Variants in CSNK1D observed in about 807,000 individuals in gnomAD.
CSNK1D encodes the protein casein kinase I isoform delta.
CSNK1D carries 16 observed loss-of-function variants against 46.6 expected under a neutral mutation model. The observed-to-expected ratio is 0.34, with a 90% CI of 0.23 to 0.52. The LOEUF is 0.52. Among genes scored for constraint, CSNK1D ranks in the 20% least tolerant of loss-of-function variants. The probability of loss-of-function intolerance (pLI) is 0.95; values close to 1 mark genes in which losing one functional copy is unlikely to be tolerated. For missense variants in CSNK1D, 398 were observed against 578.4 expected, an observed-to-expected ratio of 0.69 and a Z score of 3.20; for synonymous variants, 276 against 228.2, an observed-to-expected ratio of 1.21 and a Z score of -1.89.
chr17:82,249,332 T>G lies in CSNK1D; in HGVS notation c.1057+99A>C, dbSNP rs541342587. The G allele has an allele frequency of 3.2e-6, 4 of 1,269,596 alleles. No individual in the cohort carries two copies. The East Asian group carries it at 1.0e-4, about 32-fold the overall frequency. The allele number at this position is 1,269,596 out of a possible 1,614,324, so 78.6% of individuals were successfully genotyped here. A position where few individuals can be genotyped will look rare whatever the true frequency, so the allele number is the denominator to read the frequency against. On this transcript the variant is annotated intron_variant, in intron 7 of 8. Transcript: ENST00000314028. The surrounding 1 kb of genome is among the most constrained non-coding windows in gnomAD (Gnocchi z 6.7). ...GCGAGCATCGCCTGACACAGGGCAC[T>G]TAGTGTCCACCACCAAGTACCCTGT...
At chr17:82,267,488 G>A (rs1005074945) in intron 1 of CSNK1D, among the ~76,000 whole-genome samples, 2 of 152,094 alleles carry the variant, frequency 1.3e-5, no homozygotes, top group Admixed American at 1.3e-4. Flanking sequence ...CCACTGCTGC[G>A]TTCCACAGGA....
rs1327374701 is a variant in CSNK1D, at chr17:82,272,892, C to G, written c.76+414G>C. On this transcript the variant is annotated intron_variant, in intron 1 of 8. Coordinates refer to ENST00000314028, the MANE Select transcript of CSNK1D (RefSeq NM_001893.6). The stretch of plus-strand genomic sequence containing the variant: ...GCCCCAGCCCTACCCCCTCCCCTCC[C>G]ACGGCCCGCTGCCCCCACCCCCGCC... 3.4e-5 allele frequency among the ~76,000 whole-genome samples: 5 copies of G among 146,686 alleles called. No homozygotes were observed. The East Asian group carries it at 1.0e-3, about 29-fold the overall frequency.
At position 82,273,119 on chromosome 17, in the gene CSNK1D, C is replaced by A; in HGVS notation, c.76+187G>T. 2 of 509,992 alleles carry A rather than the reference C, an allele frequency of 3.9e-6. No homozygotes were observed. Among genetic ancestry groups the A allele is most frequent in the Non-Finnish European group, 7.0e-6 (2 of 286,786 alleles). The allele number at this position is 509,992 out of a possible 1,614,324, so 31.6% of individuals were successfully genotyped here. On this transcript the variant is annotated intron_variant, in intron 1 of 8. Coordinates refer to ENST00000314028, the MANE Select transcript of CSNK1D (RefSeq NM_001893.6). The surrounding 1 kb of genome is among the most constrained non-coding windows in gnomAD (Gnocchi z 5.1). ...GTCCTGCCCCTCCCCCACGTCCGCT[C>A]CCCACTGCCCTCCCCACCCCTGGCC...
At chr17:82,247,882 T>TTAGAA in intron 8 of CSNK1D, 2 of 985,424 alleles carry the variant, frequency 2.0e-6, no homozygotes, top group Non-Finnish European at 2.4e-6. Flanking sequence ...TATTAGTGAA[T>TTAGAA]TAGAAACGTG....
At chr17:82,268,224 G>GA (rs1480598451) in intron 1 of CSNK1D, among the ~76,000 whole-genome samples, 1 of 152,206 alleles carries the variant, frequency 6.6e-6, no homozygotes, top group Non-Finnish European at 1.5e-5. Context: ...TCAAGAAGCA[G>GA]AACACCAAGG....
intron 1 of CSNK1D, 93 bp from the exon 2 acceptor site, chr17:82,265,889 A>G: frequency 3.8e-6 from 4 of 1,043,254 alleles, no homozygotes; most frequent in Non-Finnish European, 6.0e-6. Context: ...TGTGTTTTCC[A>G]TGAAGGACCA....
At position 82,252,936 on chromosome 17, in the gene CSNK1D, G is replaced by A. The variant is rs2051050432; in HGVS notation, c.565+80C>T. 7.5e-7 allele frequency: 1 copy of A among 1,325,822 alleles called. No homozygotes were observed. The highest frequency in any genetic ancestry group is 2.4e-5 in the East Asian group (1 of 42,058). 82.1% of individuals were successfully genotyped at this position (1,325,822 alleles called of 1,614,324 possible). A position where few individuals can be genotyped will look rare whatever the true frequency, so the allele number is the denominator to read the frequency against. ...CACGCTTGCAGCCCCAGCTCCCCGA[G>A]AGGCTGGCCTCTCCCTGGGCTGAGG... is the stretch of plus-strand genomic sequence containing the variant. On this transcript the variant is annotated intron_variant, in intron 4 of 8. Transcript: ENST00000314028. The surrounding 1 kb of genome is among the most constrained non-coding windows in gnomAD (Gnocchi z 4.6).
downstream of CSNK1D, among the ~76,000 whole-genome samples, chr17:82,240,647 G>A (rs961845395): frequency 6.6e-6 from 1 of 152,158 alleles, no homozygotes; most frequent in Non-Finnish European, 1.5e-5. Flanking sequence ...CCCCACTCTG[G>A]TCCCCACACC....
rs979186833 is a variant in CSNK1D, at chr17:82,255,658, G to C, written c.188-81C>G. 1.3e-6 allele frequency: 2 copies of C among 1,552,896 alleles called. No individual in the cohort carries two copies. Among genetic ancestry groups the C allele is most frequent in the African/African-American group, 1.4e-5 (1 of 73,750 alleles). The stretch of plus-strand genomic sequence containing the variant: ...CTAAGTCTGCACTGTGCACACCAAG[G>C]GGTCATGGTGACAATCCTGAACGGG... On this transcript the variant is annotated intron_variant, in intron 2 of 8. Coordinates refer to ENST00000314028, the MANE Select transcript of CSNK1D (RefSeq NM_001893.6). The surrounding 1 kb of genome is among the most constrained non-coding windows in gnomAD (Gnocchi z 5.9).
At chr17:82,240,945 G>T (rs551588442), downstream of CSNK1D, among the ~76,000 whole-genome samples, 5 of 152,322 alleles carry the variant, frequency 3.3e-5, no homozygotes, top group South Asian at 1.0e-3. Flanking sequence ...AAGGGGAAGG[G>T]AAGGGAAGCC....
intron 1 of CSNK1D, among the ~76,000 whole-genome samples, chr17:82,266,269 A>G (rs145527180): frequency 1.3e-5 from 2 of 152,346 alleles, no homozygotes; most frequent in Non-Finnish European, 2.9e-5. Flanking sequence ...CCACAGTCCC[A>G]GTCCACCCAG....
chr17:82,249,771 T>C lies in CSNK1D; in HGVS notation c.886-169A>G, dbSNP rs1347199218. ...CGTTTCTCCTCATGGGATGACAGCA[T>C]CATCCCCACAAGGGGTCAGAGCCAG... On this transcript the variant is annotated intron_variant, in intron 6 of 8. Coordinates refer to ENST00000314028, the MANE Select transcript of CSNK1D (RefSeq NM_001893.6). This position sits in a 1 kb window ranked among gnomAD's most constrained non-coding sequence, Gnocchi z 6.7. 2.5e-5 allele frequency: 37 copies of C among 1,473,270 alleles called. No individual in the cohort carries two copies. Among genetic ancestry groups the C allele is most frequent in the Non-Finnish European group, 3.2e-5 (36 of 1,113,666 alleles). 91.3% of individuals were successfully genotyped at this position (1,473,270 alleles called of 1,614,324 possible). A position where few individuals can be genotyped will look rare whatever the true frequency, so the allele number is the denominator to read the frequency against.
downstream of CSNK1D, among the ~76,000 whole-genome samples, chr17:82,241,315 G>A (rs577149915): frequency 7.9e-5 from 12 of 152,218 alleles, no homozygotes; most frequent in East Asian, 1.9e-4. Context: ...GGACGCTGCC[G>A]TCCCTCAGCC....
At position 82,273,310 on chromosome 17, in the gene CSNK1D, A is replaced by G. The variant is rs761254848; in HGVS notation, c.72T>C (p.Tyr24=). Residue 24 remains tyrosine, a synonymous_variant, in exon 1 of 9, where the codon TAT becomes TAC. Coordinates refer to ENST00000314028, the MANE Select transcript of CSNK1D (RefSeq NM_001893.6). The surrounding 1 kb of genome is among the most constrained non-coding windows in gnomAD (Gnocchi z 5.1). ...KIGSGSFGDI[Y]LGTDIAAGEE... ...GCGGGGGCGGCGGGGCCTCACCGAG[A>G]TAGATGTCTCCGAAGGAGCCGCTGC... 5 of 1,606,444 alleles carry G rather than the reference A, an allele frequency of 3.1e-6. No homozygotes were observed. The highest frequency in any genetic ancestry group is 4.2e-6 in the Non-Finnish European group (5 of 1,178,618).
intron 1 of CSNK1D, 110 bp from the exon 2 acceptor site, chr17:82,265,906 G>C: frequency 1.1e-6 from 1 of 895,212 alleles, no homozygotes. Flanking sequence ...ACCAAGTGAG[G>C]GATGTGTTCT....
In CSNK1D at chr17:82,244,128, CCACACACGGGCACA is replaced by C; in HGVS notation, c.*639_*652del. The stretch of plus-strand genomic sequence containing the variant: ...CCAAAATCAGGTTGAAGAGGTCCCA[CCACACACGGGCACA>C]CACACACACCACGGACTTTTGATGA... On this transcript the variant is annotated 3_prime_UTR_variant, in exon 9 of 9. Coordinates refer to ENST00000314028, the MANE Select transcript of CSNK1D (RefSeq NM_001893.6). 1 of 993,756 alleles carries C rather than the reference CCACACACGGGCACA, an allele frequency of 1.0e-6. No homozygotes were observed. The allele number at this position is 993,756 out of a possible 1,614,324, so 61.6% of individuals were successfully genotyped here. A position where few individuals can be genotyped will look rare whatever the true frequency, so the allele number is the denominator to read the frequency against.
rs958955280 is a variant in CSNK1D, at chr17:82,249,982, T to C, written c.886-380A>G. 3.3e-6 allele frequency: 4 copies of C among 1,225,902 alleles called. No individual in the cohort carries two copies. The highest frequency in any genetic ancestry group is 1.1e-4 in the East Asian group (2 of 19,034). The allele number at this position is 1,225,902 out of a possible 1,614,324, so 75.9% of individuals were successfully genotyped here. ...TCGGAGGCCAAAGACAGGCCCCAAA[T>C]GGTGACAGCTGGGGAGGAAAGCGGG... On this transcript the variant is annotated intron_variant, in intron 6 of 8. Transcript: ENST00000314028. The surrounding 1 kb of genome is among the most constrained non-coding windows in gnomAD (Gnocchi z 6.7).
rs1434613950 is a variant in CSNK1D, at chr17:82,251,143, C to T, written c.885+236G>A. On this transcript the variant is annotated intron_variant, in intron 6 of 8. Coordinates refer to ENST00000314028, the MANE Select transcript of CSNK1D (RefSeq NM_001893.6). The surrounding 1 kb of genome is among the most constrained non-coding windows in gnomAD (Gnocchi z 4.5). ...GAGGGAAGGGGCCTCCTGCTGTCCA[C>T]ACCCAGGAATTCCATGGACCCCTCT... 1.9e-6 allele frequency: 1 copy of T among 531,358 alleles called. No individual in the cohort carries two copies. The highest frequency in any genetic ancestry group is 1.9e-5 in the African/African-American group (1 of 52,330). 32.9% of individuals were successfully genotyped at this position (531,358 alleles called of 1,614,324 possible). A position where few individuals can be genotyped will look rare whatever the true frequency, so the allele number is the denominator to read the frequency against.
Position 82,273,674 on chromosome 17 carries a change from C to A in CSNK1D, c.-293G>T, listed in dbSNP as rs1418739048. ...CGGGCCTAAATCCCCTTTCAGCTGCCTAAAGGAGCCGCCGCCATCGCGCTG... is the reference window on the plus strand; with the variant it reads ...CGGGCCTAAATCCCCTTTCAGCTGCATAAAGGAGCCGCCGCCATCGCGCTG... On this transcript the variant is annotated 5_prime_UTR_variant, in exon 1 of 9. It adds an upstream start codon to the 5' untranslated region. Transcript: ENST00000314028. The surrounding 1 kb of genome is among the most constrained non-coding windows in gnomAD (Gnocchi z 5.1). 1.9e-6 allele frequency: 1 copy of A among 514,344 alleles called. No homozygotes were observed. Among genetic ancestry groups the A allele is most frequent in the South Asian group, 2.8e-5 (1 of 35,356 alleles). 31.9% of individuals were successfully genotyped at this position (514,344 alleles called of 1,614,324 possible). A position where few individuals can be genotyped will look rare whatever the true frequency, so the allele number is the denominator to read the frequency against.
Sources: gnomAD v4.1 joint callset for allele counts (sites outside exome capture counted in the v4.1 genomes callset) on GRCh38, gnomAD v4.1.1 for gene constraint, Gnocchi (gnomAD v3.1) non-coding constraint, MANE v1.5 for transcripts, NCBI Gene and HGNC (gene_info 2026-07-23, HGNC 2026-07-21) for gene names.